The following SIL1 variants were observed in gnomAD, a reference collection of about 807,000 sequenced individuals.
SIL1 encodes the protein nucleotide exchange factor SIL1.
A neutral mutation model predicts 49.1 loss-of-function variants in SIL1; 40 were observed. That is an observed-to-expected ratio of 0.81 (90% confidence interval 0.63 to 1.06). SIL1 has a LOEUF of 1.06. Among genes scored for constraint, SIL1 ranks in the 50% least tolerant of loss-of-function variants. The probability of loss-of-function intolerance (pLI) is 0.00; values close to 1 mark genes in which losing one functional copy is unlikely to be tolerated. For missense variants in SIL1, 500 were observed against 572.6 expected (o/e 0.87, Z 1.29); for synonymous variants, 253 against 250.8 (o/e 1.01, Z -0.08).
intron 4 of SIL1, among the ~76,000 whole-genome samples, chr5:139,047,012 C>T (rs933603691): frequency 5.3e-5 from 8 of 152,180 alleles, no homozygotes; most frequent in African/African-American, 1.7e-4. Flanking sequence ...ATGCCTGGCA[C>T]GTGGGCACTC....
At chr5:139,059,102 A>G (rs1291331387) in intron 3 of SIL1, among the ~76,000 whole-genome samples, 1 of 152,120 alleles carries the variant, frequency 6.6e-6, no homozygotes, top group Non-Finnish European at 1.5e-5. Flanking sequence ...ATACATTTGT[A>G]TATATATATG....
rs374281014 is a variant in SIL1, at chr5:139,150,719, T to C, written c.-10-22866A>G. On this transcript the variant is annotated intron_variant, in intron 1 of 9. Transcript: ENST00000394817. ...TTCTTCTTCGGTTGAAGAGAGGCAC[T>C]CAGGGAGCCTATTCAATAGCAGTAA... Among the ~76,000 whole-genome samples the C allele has an allele frequency of 1.2e-4, 18 of 152,318 alleles. No individual in the cohort carries two copies. The East Asian group carries it at 2.5e-3, about 21-fold the overall frequency.
At chr5:139,065,896 C>A (rs1446248242) in intron 3 of SIL1, among the ~76,000 whole-genome samples, 1 of 152,234 alleles carries the variant, frequency 6.6e-6, no homozygotes, top group Non-Finnish European at 1.5e-5. Context: ...TACTTGTGGT[C>A]TGGATCACTT....
At chr5:139,071,453 T>C (rs1303382689) in intron 3 of SIL1, among the ~76,000 whole-genome samples, 1 of 152,142 alleles carries the variant, frequency 6.6e-6, no homozygotes, top group Admixed American at 6.5e-5. Context: ...TTTCCTGACT[T>C]GGGTGTGACT....
intron 3 of SIL1, among the ~76,000 whole-genome samples, chr5:139,073,371 T>C (rs1769877485): frequency 6.6e-6 from 1 of 152,090 alleles, no homozygotes; most frequent in Admixed American, 6.5e-5. Flanking sequence ...AATAAGGAAA[T>C]CCTGTCATTT....
chr5:139,146,214 G>A (rs562822538), intron 1 of SIL1, among the ~76,000 whole-genome samples: 36 of 152,260 alleles, frequency 2.4e-4, no homozygotes, highest in African/African-American at 8.4e-4. Flanking sequence ...GTTAGAAATT[G>A]TTAAAACCGG....
At chr5:139,153,752 A>G (rs1200335694) in intron 1 of SIL1, among the ~76,000 whole-genome samples, 1 of 152,252 alleles carries the variant, frequency 6.6e-6, no homozygotes, top group Non-Finnish European at 1.5e-5. Context: ...CTAAGAGAAA[A>G]AAAGGGGCAT....
intron 7 of SIL1, among the ~76,000 whole-genome samples, chr5:138,981,096 T>C (rs1561814235): frequency 6.6e-6 from 1 of 151,720 alleles, no homozygotes; most frequent in African/African-American, 2.4e-5. Flanking sequence ...TCCCAGCTAC[T>C]TGAGAGGCTG....
Position 139,038,713 on chromosome 5 carries a change from C to T in SIL1, c.453+3907G>A, listed in dbSNP as rs1025750785. Among the ~76,000 whole-genome samples, 68 of 152,244 alleles carry T rather than the reference C, an allele frequency of 4.5e-4. 3 individuals are homozygous for T. Reference sequence around the variant, plus strand: ...TGGGAGTGGAAGTCTAGGTTCCTCCCTGGGCCTCTACTGACACCACTTTGG... The same window carrying T: ...TGGGAGTGGAAGTCTAGGTTCCTCCTTGGGCCTCTACTGACACCACTTTGG... On this transcript the variant is annotated intron_variant, in intron 5 of 9. Coordinates refer to ENST00000394817, the MANE Select transcript of SIL1 (RefSeq NM_022464.5).
At chr5:138,957,946 G>A (rs1310079423) in intron 7 of SIL1, among the ~76,000 whole-genome samples, 4 of 150,692 alleles carry the variant, frequency 2.7e-5, no homozygotes, top group African/African-American at 7.3e-5. Context: ...TGTAGATGGG[G>A]GTTCTCACGA....
intron 4 of SIL1, 107 bp downstream of exon 4, chr5:139,050,831 A>C: frequency 1.1e-6 from 1 of 915,266 alleles, no homozygotes; most frequent in South Asian, 1.4e-5. Context: ...TATGCTATTA[A>C]ATTTCAAATT....
intron 3 of SIL1, among the ~76,000 whole-genome samples, chr5:139,101,299 C>CT (rs1295529764): frequency 6.6e-6 from 1 of 152,170 alleles, no homozygotes; most frequent in African/African-American, 2.4e-5. Context: ...ACCTGGAAAA[C>CT]CCTTTATACT....
chr5:139,052,606 C>T (rs1478132937), intron 3 of SIL1, among the ~76,000 whole-genome samples: 1 of 152,060 alleles, frequency 6.6e-6, no homozygotes, highest in Non-Finnish European at 1.5e-5. Flanking sequence ...ACTGCTTGAA[C>T]CTGAATGGTG....
intron 2 of SIL1, among the ~76,000 whole-genome samples, chr5:139,121,669 A>G (rs1284796793): frequency 1.3e-5 from 2 of 152,248 alleles, no homozygotes; most frequent in African/African-American, 2.4e-5. Flanking sequence ...CTAAGGCCCA[A>G]CTGATTCCCA....
intron 1 of SIL1, among the ~76,000 whole-genome samples, chr5:139,155,894 G>A (rs1002053430): frequency 1.3e-4 from 19 of 151,696 alleles, no homozygotes; most frequent in African/African-American, 4.4e-4. Flanking sequence ...GTGCAGTGGC[G>A]TGATCTGGGC....
At chr5:139,188,658 G>A (rs552615485) in intron 1 of SIL1, among the ~76,000 whole-genome samples, 1 of 152,320 alleles carries the variant, frequency 6.6e-6, no homozygotes, top group Non-Finnish European at 1.5e-5. Flanking sequence ...CTTTGCACAA[G>A]GACCAGAAAT....
At chr5:139,016,702 G>A (rs1401722692) in intron 7 of SIL1, among the ~76,000 whole-genome samples, 3 of 152,084 alleles carry the variant, frequency 2.0e-5, no homozygotes, top group Non-Finnish European at 2.9e-5. Flanking sequence ...CCACAAAGAT[G>A]CCAATGATGA....
At chr5:139,007,814 C>A (rs1419236810) in intron 7 of SIL1, among the ~76,000 whole-genome samples, 6 of 143,080 alleles carry the variant, frequency 4.2e-5, no homozygotes, top group South Asian at 4.8e-4. Context: ...ATGAAGCCCA[C>A]TTGATCATGG....
At chr5:138,984,403 G>A (rs960082580) in intron 7 of SIL1, among the ~76,000 whole-genome samples, 1 of 147,358 alleles carries the variant, frequency 6.8e-6, no homozygotes, top group Non-Finnish European at 1.5e-5. Context: ...CTGTCACCCA[G>A]GCTGGAGTGC....
Sources: allele counts gnomAD v4.1 joint callset (sites outside exome capture counted in the v4.1 genomes callset), GRCh38; gene constraint gnomAD v4.1.1; transcripts MANE v1.5; gene names NCBI Gene and HGNC (gene_info 2026-07-23, HGNC 2026-07-21).